The following COL5A3 variants were observed in gnomAD, a reference collection of about 807,000 sequenced individuals.
COL5A3 encodes collagen type V alpha 3 chain.
A neutral mutation model predicts 250.0 loss-of-function variants in COL5A3; 172 were observed. The ratio of observed to expected loss-of-function variants is 0.69; its 90% CI spans 0.61 to 0.78. The LOEUF (loss-of-function observed/expected upper bound fraction) is 0.78, where lower values mean the gene tolerates loss of function less well. Ranked by LOEUF, COL5A3 falls within the 30% of genes least tolerant of loss-of-function variation. COL5A3 has a pLI of 0.00. For synonymous variants in COL5A3, 937 were observed against 900.4 expected, an observed-to-expected ratio of 1.04 and a Z score of -0.73; for missense variants, 2,340 against 2,334.4, an observed-to-expected ratio of 1.00 and a Z score of -0.05.
In COL5A3 at chr19:10,009,510, C is replaced by T. The variant is rs553656057; in HGVS notation, c.88+788G>A. On this transcript the variant is annotated intron_variant, in intron 1 of 66. Transcript: ENST00000264828. The surrounding 1 kb of genome is among the most constrained non-coding windows in gnomAD (Gnocchi z 4.4). ...GGGTGGGGAGGGGGGGAGCAACTTCCACTCCTGCCCCGCCCTGCGCCCCGC... is the reference window on the plus strand; with the variant it reads ...GGGTGGGGAGGGGGGGAGCAACTTCTACTCCTGCCCCGCCCTGCGCCCCGC... Among the ~76,000 whole-genome samples, 112 of 152,116 alleles carry T rather than the reference C, an allele frequency of 7.4e-4. No homozygotes were observed. The highest frequency in any genetic ancestry group is 1.3e-3 in the Non-Finnish European group (87 of 67,950).
chr19:9,986,693 A>C (rs199606781), intron 28 of COL5A3, 21 bp downstream of exon 28: 11 of 1,613,458 alleles, frequency 6.8e-6, no homozygotes, highest in Non-Finnish European at 9.3e-6. Flanking sequence ...CTCTCCTCTG[A>C]TGAGTTCCTT....
Position 9,997,994 on chromosome 19 carries a change from G to A in COL5A3, c.1190C>T (p.Pro397Leu). 3.7e-6 allele frequency: 6 copies of A among 1,614,038 alleles called. No homozygotes were observed. Among genetic ancestry groups the A allele is most frequent in the African/African-American group, 1.3e-5 (1 of 75,008 alleles). The change falls in exon 10 of 67, where the codon CCA becomes CTA. Residue 397 changes from proline (P) to leucine (L), a missense_variant. Physicochemically the swap from Pro to Leu is moderately conservative, Grantham distance 98 (BLOSUM62 -3). This residue lies in a region of COL5A3 where 1,152 missense variants were observed against 1,146.3 expected (regional missense o/e 1.00). Transcript: ENST00000264828. Reference sequence around the variant, plus strand: ...ACAGCCATGACTTACTTGGGGTCCTGGGGCTCCTGGAGGTCCCTCAAACTG... The same window carrying A: ...ACAGCCATGACTTACTTGGGGTCCTAGGGCTCCTGGAGGTCCCTCAAACTG... ...GQQFEGPPGA[P>L]GPQGVVGPSG...
chr19:10,001,964 A>C, intron 6 of COL5A3, 83 bp from the exon 7 acceptor site: 1 of 944,390 alleles, frequency 1.1e-6, no homozygotes, highest in Non-Finnish European at 1.7e-6. Flanking sequence ...TGTCCCCAGG[A>C]GCTCCCAGTC....
Position 9,968,501 on chromosome 19 carries a change from CA to C in COL5A3, c.4207-10del. 5.7e-6 allele frequency: 9 copies of C among 1,582,694 alleles called. No homozygotes were observed. The highest frequency in any genetic ancestry group is 7.7e-6 in the Non-Finnish European group (9 of 1,169,816). On this transcript the variant is annotated splice_polypyrimidine_tract_variant and intron_variant, in intron 58 of 66. Coordinates refer to ENST00000264828, the MANE Select transcript of COL5A3 (RefSeq NM_015719.4). This position sits in a 1 kb window ranked among gnomAD's most constrained non-coding sequence, Gnocchi z 4.1. ...ATCAATCCAATGTGGCCCTGAAGGA[CA>C]AAAGAGGCACAGACAGGGGAGGACG...
At chr19:9,999,040 T>A (rs10406491) in intron 8 of COL5A3, among the ~76,000 whole-genome samples, 17,569 of 145,066 alleles carry the variant, frequency 0.12, 1,090 homozygotes, top group Middle Eastern at 0.14. Flanking sequence ...TTCTTTTTCT[T>A]TCTCTTTCTT....
Position 9,960,654 on chromosome 19 carries a change from G to A in COL5A3, c.5088C>T (p.Cys1696=). Residue 1696 remains cysteine, a synonymous_variant, in exon 66 of 67, where the codon TGC becomes TGT. Transcript: ENST00000264828. ...GGCCACTGCCCCACCCTCTTACCCG[G>A]CAGCCATCCTGGGGGACGCTGACAG... ...AATVSVPQDG[C]RLRKGQTKTL... 2 of 1,613,868 alleles carry A rather than the reference G, an allele frequency of 1.2e-6. No individual in the cohort carries two copies. Among genetic ancestry groups the A allele is most frequent in the Admixed American group, 1.7e-5 (1 of 60,002 alleles).
At chr19:9,962,526 G>A (rs1355172983) in intron 65 of COL5A3, among the ~76,000 whole-genome samples, 1 of 152,014 alleles carries the variant, frequency 6.6e-6, no homozygotes, top group East Asian at 1.9e-4. Context: ...GCATTCTTTA[G>A]GCTTCAGATG....
At chr19:9,995,514 G>A (rs538611658) in intron 16 of COL5A3, 50 bp downstream of exon 16, 168 of 1,521,906 alleles carry the variant, frequency 1.1e-4, no homozygotes, top group Non-Finnish European at 5.0e-5. Flanking sequence ...GCTCATGTTG[G>A]GTGTTGAGGG....
chr19:9,980,833 C>T lies in COL5A3; in HGVS notation c.2532G>A (p.Pro844=), dbSNP rs749235196. The part of the protein sequence containing the change: ...PPGSRGERGQ[P]GATGQPGPKG... ...TGGGGCCTGGTTGCCCTGTGGCACC[C>T]GGTTGCCCCCTCTCTCCACGGGAAC... is the stretch of plus-strand genomic sequence containing the variant. The change falls in exon 34 of 67, where the codon CCG becomes CCA. Residue 844 remains proline (P), a synonymous_variant. Transcript: ENST00000264828. The T allele has an allele frequency of 1.2e-5, 20 of 1,611,604 alleles. No homozygotes were observed. Among genetic ancestry groups the T allele is most frequent in the East Asian group, 6.7e-5 (3 of 44,722 alleles).
rs2145142711 is a variant in COL5A3, at chr19:10,003,726, G to A, written c.700-12C>T. 4 of 1,613,858 alleles carry A rather than the reference G, an allele frequency of 2.5e-6. No individual in the cohort carries two copies. Among genetic ancestry groups the A allele is most frequent in the Non-Finnish European group, 3.4e-6 (4 of 1,180,000 alleles). Reference sequence around the variant, plus strand: ...TCACCCTGGGGAGCCTGGGAGAAGGGTTCCAGTCAGGTCTAGAGCATCCCA... The same window carrying A: ...TCACCCTGGGGAGCCTGGGAGAAGGATTCCAGTCAGGTCTAGAGCATCCCA... On this transcript the variant is annotated splice_polypyrimidine_tract_variant and intron_variant, in intron 5 of 66. Coordinates refer to ENST00000264828, the MANE Select transcript of COL5A3 (RefSeq NM_015719.4).
At position 9,986,404 on chromosome 19, in the gene COL5A3, C is replaced by G. The variant is rs374997959; in HGVS notation, c.2263G>C (p.Gly755Arg). The G allele has an allele frequency of 1.2e-6, 2 of 1,612,606 alleles. No homozygotes were observed. Among genetic ancestry groups the G allele is most frequent in the Non-Finnish European group, 1.7e-6 (2 of 1,179,950 alleles). ...TCAGGACCATCCTCTCCCCGGGGAC[C>G]TGGAGCTCCGGGTTTCCCCTGGAAG... ...KGDQGKPGAPGPRGEDGPEGP... is the reference protein window; with the variant it reads ...KGDQGKPGAPRPRGEDGPEGP... Residue 755 changes from glycine (G) to arginine (R), a missense_variant, in exon 30 of 67, where the codon GGT (glycine) becomes CGT (arginine). Coordinates refer to ENST00000264828, the MANE Select transcript of COL5A3 (RefSeq NM_015719.4).
chr19:9,969,229 G>T, intron 57 of COL5A3, 120 bp downstream of exon 57: 1 of 835,652 alleles, frequency 1.2e-6, no homozygotes, highest in Non-Finnish European at 1.9e-6. Flanking sequence ...GAGACAGGCA[G>T]TATGGACACT....
Position 9,993,652 on chromosome 19 carries a change from G to A in COL5A3, c.1662C>T (p.Gly554=). The A allele has an allele frequency of 6.2e-7, 1 of 1,614,068 alleles. No individual in the cohort carries two copies. Among genetic ancestry groups the A allele is most frequent in the Non-Finnish European group, 8.5e-7 (1 of 1,180,010 alleles). The change falls in exon 18 of 67, where the codon GGC becomes GGT. Residue 554 remains glycine, a synonymous_variant. Coordinates refer to ENST00000264828, the MANE Select transcript of COL5A3 (RefSeq NM_015719.4). ...TGPKGDRGFD[G]LPGLPGEKGQ... is the part of the protein sequence containing the mutation. ...CCTTCTCACCAGGCAGCCCAGGGAG[G>A]CCATCGAAGCCACGATCACCCTGTC...
At chr19:9,999,895 C>A (rs4416137) in intron 8 of COL5A3, among the ~76,000 whole-genome samples, 1 of 152,004 alleles carries the variant, frequency 6.6e-6, no homozygotes, top group Non-Finnish European at 1.5e-5. Context: ...CAGCTGGGAC[C>A]AGAGGCACGA....
intron 37 of COL5A3, among the ~76,000 whole-genome samples, 182 bp from the exon 38 acceptor site, chr19:9,979,599 G>C (rs889883357): frequency 1.3e-5 from 2 of 152,040 alleles, no homozygotes; most frequent in Non-Finnish European, 1.5e-5. Context: ...AGAGCAGCCT[G>C]GTCAACATGA....
intron 31 of COL5A3, among the ~76,000 whole-genome samples, chr19:9,983,724 G>T (rs957154797): frequency 2.1e-5 from 3 of 145,884 alleles, no homozygotes; most frequent in African/African-American, 7.7e-5. Flanking sequence ...GAAAAGAAAA[G>T]AAAAAAGAGG....
At position 9,968,270 on chromosome 19, in the gene COL5A3, T is replaced by C; in HGVS notation, c.4314+115A>G. ...AGTTCCCAGATACATCCCCCTATTT[T>C]CCCCACACACACCCTCATTAATCCA... On this transcript the variant is annotated intron_variant, in intron 59 of 66. Transcript: ENST00000264828. The surrounding 1 kb of genome is among the most constrained non-coding windows in gnomAD (Gnocchi z 4.1). The C allele has an allele frequency of 9.7e-7, 1 of 1,031,668 alleles. No homozygotes were observed. Among genetic ancestry groups the C allele is most frequent in the Non-Finnish European group, 1.5e-6 (1 of 685,696 alleles). 63.9% of individuals were successfully genotyped at this position (1,031,668 alleles called of 1,614,324 possible).
At chr19:9,967,272 T>C in intron 62 of COL5A3, 75 bp downstream of exon 62, 1 of 1,150,528 alleles carries the variant, frequency 8.7e-7, no homozygotes, top group Non-Finnish European at 1.2e-6. Context: ...AAGGACCCTC[T>C]GGGGACACCC....
chr19:9,976,603 AG>A lies in COL5A3; in HGVS notation c.3296del (p.Pro1099LeufsTer45). 6.3e-7 allele frequency: 1 copy of A among 1,576,038 alleles called. No individual in the cohort carries two copies. The highest frequency in any genetic ancestry group is 1.9e-5 in the Admixed American group (1 of 52,404). On this transcript the variant is annotated frameshift_variant, in exon 45 of 67. Coordinates refer to ENST00000264828, the MANE Select transcript of COL5A3 (RefSeq NM_015719.4). LOFTEE classifies it high-confidence loss of function. ...SKGDKGDAGPPGQPGIRGPAG... is the reference protein window; with the variant it reads ...SKGDKGDAGPXGQPGIRGPAG... ...CAGGACCCCGTATCCCTGGTTGTCC[AG>A]GTGGGCCCTGGGAGAACAGGAAACA...
Sources: allele counts gnomAD v4.1 joint callset (sites outside exome capture counted in the v4.1 genomes callset), GRCh38; gene constraint gnomAD v4.1.1; regional missense constraint gnomAD v4.1.1; non-coding constraint Gnocchi (gnomAD v3.1); transcripts MANE v1.5; gene names NCBI Gene and HGNC (gene_info 2026-07-23, HGNC 2026-07-21).